Variants in SLFN11 observed in about 807,000 individuals in gnomAD.
SLFN11 encodes schlafen family member 11.
SLFN11 carries 43 observed loss-of-function variants against 53.4 expected under a neutral mutation model. The observed-to-expected ratio is 0.80, with a 90% CI of 0.63 to 1.04. The LOEUF is 1.04. Ranked by LOEUF, SLFN11 falls within the 50% of genes least tolerant of loss-of-function variation. The pLI, the probability that SLFN11 is intolerant of heterozygous loss-of-function variation, is 0.00. For missense variants in SLFN11, 990 were observed against 1,079.1 expected (o/e 0.92, Z 1.16); for synonymous variants, 389 against 394.7 (o/e 0.99, Z 0.17).
chr17:35,367,753 T>C (rs963709791), intron 1 of SLFN11, 53 bp from the exon 2 acceptor site: 1 of 152,226 alleles, frequency 6.6e-6, no homozygotes, highest in Non-Finnish European at 1.5e-5. Flanking sequence ...TTTTCCTAGG[T>C]TCAAATCTCA....
Position 35,363,202 on chromosome 17 carries a change from A to C in SLFN11, c.606T>G (p.Gly202=). The C allele has an allele frequency of 6.2e-7, 1 of 1,614,076 alleles. No individual in the cohort carries two copies. Among genetic ancestry groups the C allele is most frequent in the African/African-American group, 1.3e-5 (1 of 75,044 alleles). ...LIFQKDYLEY[G]EILPFPESQL... ...GAGACTCAGGAAAAGGCAGGATTTC[A>C]CCATATTCAAGATAGTCTTTTTGGA... is the stretch of plus-strand genomic sequence containing the variant. The change falls in exon 4 of 7, where the codon GGT becomes GGG. Residue 202 remains glycine, a synonymous_variant. Coordinates refer to ENST00000685675, the MANE Select transcript of SLFN11 (RefSeq NM_001376007.1).
chr17:35,363,901 G>T (rs1908612708), intron 3 of SLFN11, 75 bp from the exon 4 acceptor site: 1 of 1,185,236 alleles, frequency 8.4e-7, no homozygotes, highest in Non-Finnish European at 1.2e-6. Flanking sequence ...TCTAATATGT[G>T]CTGAGAGAAG....
intron 3 of SLFN11, 31 bp from the exon 4 acceptor site, chr17:35,363,857 G>T: frequency 6.9e-7 from 1 of 1,449,854 alleles, no homozygotes; most frequent in South Asian, 1.4e-5. Flanking sequence ...TTACATGCAT[G>T]CAATTCATTT....
chr17:35,362,054 G>A (rs1908290293), intron 4 of SLFN11, among the ~76,000 whole-genome samples: 1 of 152,054 alleles, frequency 6.6e-6, no homozygotes, highest in South Asian at 2.1e-4. Flanking sequence ...ACCCCAGAAA[G>A]CAGTACTATC....
At chr17:35,367,957 C>T (rs1040134242) in intron 1 of SLFN11, among the ~76,000 whole-genome samples, 29 of 152,036 alleles carry the variant, frequency 1.9e-4, no homozygotes, top group Non-Finnish European at 3.1e-4. Flanking sequence ...CAGGGACAAC[C>T]ACCCCCAAGC....
chr17:35,352,617 G>T lies in SLFN11; in HGVS notation c.2445C>A (p.Thr815=). 1 of 1,614,004 alleles carries T rather than the reference G, an allele frequency of 6.2e-7. No individual in the cohort carries two copies. Among genetic ancestry groups the T allele is most frequent in the Non-Finnish European group, 8.5e-7 (1 of 1,180,020 alleles). Reference sequence around the variant, plus strand: ...ACTTATAGTGCTCCACTTCTTTTGCGGTGCTGACAAGCACAGCAACATCCT... The same window carrying T: ...ACTTATAGTGCTCCACTTCTTTTGCTGTGCTGACAAGCACAGCAACATCCT... ...SPKDVAVLVS[T]AKEVEHYKYE... Residue 815 remains threonine, a synonymous_variant, in exon 7 of 7, where the codon ACC becomes ACA. Transcript: ENST00000685675.
Position 35,363,803 on chromosome 17 carries a change from T to C in SLFN11, c.5A>G (p.Glu2Gly). 1 of 1,565,424 alleles carries C rather than the reference T, an allele frequency of 6.4e-7. No individual in the cohort carries two copies. Among genetic ancestry groups the C allele is most frequent in the Non-Finnish European group, 8.6e-7 (1 of 1,161,214 alleles). Residue 2 changes from glutamate to glycine, a missense_variant, in exon 4 of 7, where the codon GAG becomes GGG. By Grantham distance (98) the Glu-to-Gly change is moderately conservative (BLOSUM62 -2). This residue lies in a region of SLFN11 where 521 missense variants were observed against 516.2 expected (regional missense o/e 1.01). Coordinates refer to ENST00000685675, the MANE Select transcript of SLFN11 (RefSeq NM_001376007.1). ...CACAACCAGGGGGCACTGATTTGCC[T>C]CCATGTTGAACTCACAGCTGAAACT... M[E>G]ANQCPLVVEP... is the part of the protein sequence containing the mutation.
rs775435056 is a variant in SLFN11 at position 35,360,204 on chromosome 17, T to C, written c.1198+39A>G. 2.5e-6 allele frequency: 4 copies of C among 1,589,038 alleles called. No individual in the cohort carries two copies. The South Asian group carries it at 3.5e-5, about 14-fold the overall frequency. On this transcript the variant is annotated intron_variant, in intron 5 of 6. Coordinates refer to ENST00000685675, the MANE Select transcript of SLFN11 (RefSeq NM_001376007.1). ...AGTTTAATCTCCCTTTATCCTAATA[T>C]AGAAACTGGCTGGTGTTGAGAAGAC...
At position 35,353,638 on chromosome 17, in the gene SLFN11, G is replaced by T; in HGVS notation, c.1620C>A (p.Ser540Arg). The change falls in exon 6 of 7, where the codon AGC (serine) becomes AGA (arginine). Residue 540 changes from serine (S) to arginine (R), a missense_variant. By Grantham distance (110) the Ser-to-Arg change is moderately radical (BLOSUM62 -1). Transcript: ENST00000685675. ...CTTCCATGTGCTGGGTGCCTGCAAG[G>T]CTATAGGACGCAGGGTAATCCATCG... is the stretch of plus-strand genomic sequence containing the variant. ...VSPMDYPASY[S>R]LAGTQHMEAL... 8.8e-7 allele frequency: 1 copy of T among 1,130,546 alleles called. No homozygotes were observed. Among genetic ancestry groups the T allele is most frequent in the Non-Finnish European group, 1.2e-6 (1 of 828,308 alleles). The allele number at this position is 1,130,546 out of a possible 1,614,324, so 70.0% of individuals were successfully genotyped here.
At position 35,361,067 on chromosome 17, in the gene SLFN11, A is replaced by C. The variant is rs764698525; in HGVS notation, c.1070-696T>G. ...TTTGGAGATTGGAGTCAGCTTTATA[A>C]TATCTCCTTTCCAAGTACACATCCA... is the stretch of plus-strand genomic sequence containing the variant. On this transcript the variant is annotated intron_variant, in intron 4 of 6. Transcript: ENST00000685675. Among the ~76,000 whole-genome samples, 9 of 152,222 alleles carry C rather than the reference A, an allele frequency of 5.9e-5. No homozygotes were observed. The East Asian group carries it at 1.3e-3, about 23-fold the overall frequency.
In SLFN11 at chr17:35,353,880, C is replaced by A; in HGVS notation, c.1378G>T (p.Asp460Tyr). ...CTGTTCTGTGCTATCAGCAGAGCAT[C>A]ACAGATGACTCCTGGCTTCTCCTGC... The part of the protein sequence containing the change: ...NLQEKPGVIC[D>Y]ALLIAQNSTP... Residue 460 changes from aspartate to tyrosine, a missense_variant, in exon 6 of 7, where the codon GAT (aspartate) becomes TAT (tyrosine). This residue lies in a region of SLFN11 where 156 missense variants were observed against 241.9 expected (regional missense o/e 0.64). Coordinates refer to ENST00000685675, the MANE Select transcript of SLFN11 (RefSeq NM_001376007.1). 1 of 1,613,506 alleles carries A rather than the reference C, an allele frequency of 6.2e-7. No homozygotes were observed. The highest frequency in any genetic ancestry group is 8.5e-7 in the Non-Finnish European group (1 of 1,179,852).
intron 1 of SLFN11, among the ~76,000 whole-genome samples, chr17:35,369,387 G>T (rs1207653620): frequency 3.3e-5 from 5 of 152,110 alleles, no homozygotes; most frequent in African/African-American, 1.2e-4. Flanking sequence ...GTGGAAAAAG[G>T]AGGGAAGAAT....
rs1908556896 is a variant in SLFN11 at position 35,363,601 on chromosome 17, A to C, written c.207T>G (p.His69Gln). Residue 69 changes from histidine to glutamine, a missense_variant, in exon 4 of 7, where the codon CAT becomes CAG. Transcript: ENST00000685675. ...CTAAATCCAGTCCCATCTCCACGGG[A>C]TGCTCAACCTTCTTGGCCATTCGAA... ...GVIRMAKKVE[H>Q]PVEMGLDLEQ... 1 of 1,613,722 alleles carries C rather than the reference A, an allele frequency of 6.2e-7. No individual in the cohort carries two copies. Among genetic ancestry groups the C allele is most frequent in the Non-Finnish European group, 8.5e-7 (1 of 1,179,928 alleles).
chr17:35,363,917 A>T (rs1194157620), intron 3 of SLFN11, 91 bp from the exon 4 acceptor site: 1 of 1,011,288 alleles, frequency 9.9e-7, no homozygotes, highest in Non-Finnish European at 1.4e-6. Context: ...AGAAGACAAT[A>T]GACTAGCAAG....
At position 35,352,361 on chromosome 17, in the gene SLFN11, G is replaced by A. The variant is rs769754119; in HGVS notation, c.2701C>T (p.His901Tyr). 8 of 1,613,338 alleles carry A rather than the reference G, an allele frequency of 5.0e-6. No homozygotes were observed. The highest frequency in any genetic ancestry group is 5.1e-6 in the Non-Finnish European group (6 of 1,179,434). The change falls in exon 7 of 7, where the codon CAT (histidine) becomes TAT (tyrosine). Residue 901 changes from histidine to tyrosine, a missense_variant. Coordinates refer to ENST00000685675, the MANE Select transcript of SLFN11 (RefSeq NM_001376007.1). ...ATTTTGATTTGGAGTTCTTCCTAATGGCCACCCCACGGAAAAATATACAGG... is the reference window on the plus strand; with the variant it reads ...ATTTTGATTTGGAGTTCTTCCTAATAGCCACCCCACGGAAAAATATACAGG... The part of the protein sequence containing the change: ...QHLYIFPWGG[H>Y]
At position 35,363,294 on chromosome 17, in the gene SLFN11, C is replaced by T; in HGVS notation, c.514G>A (p.Gly172Ser). 1 of 1,613,920 alleles carries T rather than the reference C, an allele frequency of 6.2e-7. No homozygotes were observed. The highest frequency in any genetic ancestry group is 8.5e-7 in the Non-Finnish European group (1 of 1,179,968). ...GAGTTAGGGAGCTCTTGGTATACACCCTTGTGAATTTTGTGAAAAGGTCCT... is the reference window on the plus strand; with the variant it reads ...GAGTTAGGGAGCTCTTGGTATACACTCTTGTGAATTTTGTGAAAAGGTCCT... ...EEGPFHKIHK[G>S]VYQELPNSDP... Residue 172 changes from glycine to serine, a missense_variant, in exon 4 of 7, where the codon GGT becomes AGT. Coordinates refer to ENST00000685675, the MANE Select transcript of SLFN11 (RefSeq NM_001376007.1).
In SLFN11 at chr17:35,354,079, T is replaced by C; in HGVS notation, c.1199-20A>G. On this transcript the variant is annotated intron_variant, in intron 5 of 6. Coordinates refer to ENST00000685675, the MANE Select transcript of SLFN11 (RefSeq NM_001376007.1). The stretch of plus-strand genomic sequence containing the variant: ...GTGGGACTGTATGTGAAAAGAATGA[T>C]AAATTAGAGGAAGAGAAATAACCCT... The C allele has an allele frequency of 6.4e-7, 1 of 1,552,518 alleles. No individual in the cohort carries two copies. The highest frequency in any genetic ancestry group is 2.0e-5 in the Admixed American group (1 of 50,906).
rs142844647 is a variant in SLFN11 at position 35,363,348 on chromosome 17, T to C, written c.460A>G (p.Thr154Ala). The C allele has an allele frequency of 1.3e-5, 21 of 1,614,014 alleles. No individual in the cohort carries two copies. In the African/African-American group the frequency reaches 1.6e-4, roughly 12 times the overall value. The change falls in exon 4 of 7, where the codon ACC (threonine) becomes GCC (alanine). Residue 154 changes from threonine to alanine, a missense_variant. Around this residue, in one of 3 missense-constraint regions of SLFN11, gnomAD observed 521 missense variants for 516.2 expected, o/e 1.01. Coordinates refer to ENST00000685675, the MANE Select transcript of SLFN11 (RefSeq NM_001376007.1). ...DSREAFCFLKTKRKPKILEEG... is the reference protein window; with the variant it reads ...DSREAFCFLKAKRKPKILEEG... ...TCCAAGATTTTTGGCTTCCTTTTGG[T>C]CTTCAGGAAACAGAATGCCTCTCTT...
intron 1 of SLFN11, among the ~76,000 whole-genome samples, chr17:35,370,044 G>A (rs752210062): frequency 6.6e-6 from 1 of 151,848 alleles, no homozygotes; most frequent in Non-Finnish European, 1.5e-5. Flanking sequence ...CAAAACCAAA[G>A]ACACATCAAA....
Sources: gnomAD v4.1 joint callset for allele counts (sites outside exome capture counted in the v4.1 genomes callset) on GRCh38, gnomAD v4.1.1 for gene constraint, gnomAD v4.1.1 regional missense constraint, MANE v1.5 for transcripts, NCBI Gene and HGNC (gene_info 2026-07-23, HGNC 2026-07-21) for gene names.